The following EXOSC7 variants were observed in gnomAD, a reference collection of about 807,000 sequenced individuals.
EXOSC7 encodes exosome complex component RRP42.
EXOSC7 carries 25 observed loss-of-function variants against 34.3 expected under a neutral mutation model. The ratio of observed to expected loss-of-function variants is 0.73; its 90% CI spans 0.53 to 1.02. The LOEUF (loss-of-function observed/expected upper bound fraction) is 1.02, where lower values mean the gene tolerates loss of function less well. EXOSC7 is among the 50% of genes least tolerant of loss of function. EXOSC7 has a pLI of 0.00. For missense variants in EXOSC7, 370 were observed against 368.5 expected (o/e 1.00, Z -0.03); for synonymous variants, 130 against 143.0 (o/e 0.91, Z 0.65).
intron 1 of EXOSC7, among the ~76,000 whole-genome samples, chr3:44,988,439 A>G (rs949730583): frequency 3.3e-5 from 5 of 152,222 alleles, no homozygotes; most frequent in Non-Finnish European, 7.3e-5. Context: ...TCTTCTGCCA[A>G]AAGAGTCAGC....
intron 7 of EXOSC7, among the ~76,000 whole-genome samples, chr3:45,010,044 G>T (rs1707161813): frequency 6.6e-6 from 1 of 152,170 alleles, no homozygotes; most frequent in African/African-American, 2.4e-5. Context: ...TGAAGAGATT[G>T]AGGCAGGGAT....
chr3:45,005,753 G>A (rs1429574566), intron 6 of EXOSC7, among the ~76,000 whole-genome samples: 2 of 152,176 alleles, frequency 1.3e-5, no homozygotes, highest in Non-Finnish European at 2.9e-5. Flanking sequence ...TAGGGTGGTT[G>A]AGTAGTGGCA....
At position 45,009,556 on chromosome 3, in the gene EXOSC7, T is replaced by C. The variant is rs1040813879; in HGVS notation, c.772-1679T>C. On this transcript the variant is annotated intron_variant, in intron 7 of 7. Transcript: ENST00000265564. ...TATGGGAAAATCTTTCCAAAGGCCC[T>C]TTTTTTTTTTGAGATGGAGTCTCAC... is the stretch of plus-strand genomic sequence containing the variant. Among the ~76,000 whole-genome samples the C allele has an allele frequency of 1.3e-3, 188 of 145,614 alleles. 1 individual carries two copies. The highest frequency in any genetic ancestry group is 4.2e-3 in the African/African-American group (167 of 40,194).
At chr3:44,980,867 G>C (rs1355872895) in intron 1 of EXOSC7, among the ~76,000 whole-genome samples, 1 of 152,154 alleles carries the variant, frequency 6.6e-6, no homozygotes, top group Non-Finnish European at 1.5e-5. Context: ...TATAGCTTTT[G>C]TCTTACTAGT....
intron 7 of EXOSC7, among the ~76,000 whole-genome samples, chr3:45,007,897 C>T (rs1707099548): frequency 6.6e-6 from 1 of 152,202 alleles, no homozygotes; most frequent in African/African-American, 2.4e-5. Flanking sequence ...TCCAAAAGTG[C>T]AGGCCTTTGT....
intron 1 of EXOSC7, among the ~76,000 whole-genome samples, chr3:44,987,418 A>G (rs1321943921): frequency 6.6e-6 from 1 of 152,256 alleles, no homozygotes; most frequent in Non-Finnish European, 1.5e-5. Flanking sequence ...AAATTTACAA[A>G]TGAAAATTAG....
At chr3:45,001,708 G>T in intron 5 of EXOSC7, 100 bp downstream of exon 5, 1 of 833,366 alleles carries the variant, frequency 1.2e-6, no homozygotes, top group Non-Finnish European at 2.1e-6. Flanking sequence ...CATATGTGAA[G>T]ATAACAGGGG....
intron 4 of EXOSC7, among the ~76,000 whole-genome samples, chr3:45,000,141 A>C (rs1352919950): frequency 3.3e-5 from 5 of 152,306 alleles, no homozygotes; most frequent in Admixed American, 6.5e-5. Context: ...TAGTTCTCTA[A>C]TGGCATCAGT....
At chr3:45,001,479 A>G (rs1247331656) in intron 4 of EXOSC7, 59 bp from the exon 5 acceptor site, 3 of 1,289,004 alleles carry the variant, frequency 2.3e-6, no homozygotes, top group Non-Finnish European at 3.4e-6. Flanking sequence ...CTGGGGTAAT[A>G]CCTAAAGTAA....
intron 3 of EXOSC7, among the ~76,000 whole-genome samples, chr3:44,996,528 T>C (rs1706726763): frequency 6.6e-6 from 1 of 152,248 alleles, no homozygotes; most frequent in Admixed American, 6.5e-5. Context: ...TACAGTGATA[T>C]CTAAAGTTTC....
intron 1 of EXOSC7, chr3:44,977,163 C>T (rs970437986): frequency 5.2e-5 from 8 of 152,396 alleles, no homozygotes; most frequent in African/African-American, 1.9e-4. Flanking sequence ...GTTATGACCA[C>T]TCCAGAACGA....
At chr3:45,007,882 G>A (rs544039892) in intron 7 of EXOSC7, among the ~76,000 whole-genome samples, 172 of 152,304 alleles carry the variant, frequency 1.1e-3, no homozygotes, top group African/African-American at 3.5e-3. Flanking sequence ...AGAGCCACTC[G>A]TAACTCCAAA....
intron 3 of EXOSC7, among the ~76,000 whole-genome samples, chr3:44,995,260 G>C (rs1312723680): frequency 6.6e-6 from 1 of 152,198 alleles, no homozygotes; most frequent in Non-Finnish European, 1.5e-5. Flanking sequence ...TGGGATTGCA[G>C]GCGTGAGCCA....
chr3:45,009,355 C>A (rs1238726297), intron 7 of EXOSC7, among the ~76,000 whole-genome samples: 1 of 152,094 alleles, frequency 6.6e-6, no homozygotes, highest in Non-Finnish European at 1.5e-5. Context: ...AGGCTGCCAC[C>A]CCTAGCCTCT....
Position 44,989,654 on chromosome 3 carries a change from G to A in EXOSC7, c.254+10G>A. ...AGTTCTTTGTTGACTGGTCAGTACTGTCTATGCAGATATTTCTAAAGATAA... is the reference window on the plus strand; with the variant it reads ...AGTTCTTTGTTGACTGGTCAGTACTATCTATGCAGATATTTCTAAAGATAA... On this transcript the variant is annotated intron_variant, in intron 3 of 7. Coordinates refer to ENST00000265564, the MANE Select transcript of EXOSC7 (RefSeq NM_015004.4). The A allele has an allele frequency of 3.8e-6, 6 of 1,572,284 alleles. No individual in the cohort carries two copies. The highest frequency in any genetic ancestry group is 5.2e-6 in the Non-Finnish European group (6 of 1,144,096).
At chr3:44,976,406 T>G in intron 1 of EXOSC7, 72 bp downstream of exon 1, 1 of 1,386,432 alleles carries the variant, frequency 7.2e-7, no homozygotes, top group Non-Finnish European at 9.7e-7. Flanking sequence ...CTGCCCTGGG[T>G]TTGCCAGTGA....
intron 6 of EXOSC7, among the ~76,000 whole-genome samples, chr3:45,006,289 G>T (rs1239424374): frequency 6.6e-6 from 1 of 151,206 alleles, no homozygotes; most frequent in African/African-American, 2.4e-5. Context: ...TGTTGGCCAG[G>T]CTGGTCTCAA....
In EXOSC7 at chr3:45,001,607, A is replaced by C; in HGVS notation, c.490A>C (p.Arg164=). The change falls in exon 5 of 8, where the codon AGG becomes CGG. Residue 164 remains arginine, a splice_region_variant and synonymous_variant. Coordinates refer to ENST00000265564, the MANE Select transcript of EXOSC7 (RefSeq NM_015004.4). ...TGTAAAGGCTGCTCTCTTCAATACA[A>C]GGTAAGTCTTCCTAGAAACAGCTCT... The part of the protein sequence containing the change: ...IAVKAALFNT[R]IPRVRVLEDE... 1 of 1,609,912 alleles carries C rather than the reference A, an allele frequency of 6.2e-7. No individual in the cohort carries two copies. Among genetic ancestry groups the C allele is most frequent in the Non-Finnish European group, 8.5e-7 (1 of 1,176,192 alleles).
At chr3:45,006,696 G>A (rs551908987) in intron 6 of EXOSC7, among the ~76,000 whole-genome samples, 532 of 151,914 alleles carry the variant, frequency 3.5e-3, no homozygotes, top group African/African-American at 0.011. Context: ...GATTACAGGC[G>A]TGAGCCACCG....
Sources: allele counts gnomAD v4.1 joint callset (sites outside exome capture counted in the v4.1 genomes callset), GRCh38; gene constraint gnomAD v4.1.1; transcripts MANE v1.5; gene names NCBI Gene and HGNC (gene_info 2026-07-23, HGNC 2026-07-21).